GSTCD: variants seen among roughly 807,000 people sequenced by gnomAD.
The protein encoded by GSTCD is glutathione S-transferase C-terminal domain containing, also known as glutathione S-transferase C-terminal domain-containing protein.
Under a neutral mutation model 68.3 loss-of-function variants are expected in GSTCD, and 44 were observed. The ratio of observed to expected loss-of-function variants is 0.64; its 90% CI spans 0.51 to 0.83. GSTCD has a LOEUF of 0.83. Among genes scored for constraint, GSTCD ranks in the 40% least tolerant of loss-of-function variants. GSTCD has a pLI of 0.00. For synonymous variants in GSTCD, 273 were observed against 255.2 expected, an observed-to-expected ratio of 1.07 and a Z score of -0.67; for missense variants, 739 against 735.9, an observed-to-expected ratio of 1.00 and a Z score of -0.05.
At chr4:105,754,833 G>A (rs1734124268) in intron 5 of GSTCD, among the ~76,000 whole-genome samples, 1 of 151,896 alleles carries the variant, frequency 6.6e-6, no homozygotes, top group African/African-American at 2.4e-5. Flanking sequence ...CCATGTCCTA[G>A]GGAAATAATT....
At chr4:105,734,621 A>T (rs1248449118) in intron 5 of GSTCD, among the ~76,000 whole-genome samples, 1 of 151,044 alleles carries the variant, frequency 6.6e-6, no homozygotes, top group Non-Finnish European at 1.5e-5. Context: ...GCTTCTTTGC[A>T]ATGGGTTCCT....
At chr4:105,816,049 A>G (rs938553246) in intron 5 of GSTCD, among the ~76,000 whole-genome samples, 2 of 152,096 alleles carry the variant, frequency 1.3e-5, no homozygotes, top group African/African-American at 4.8e-5. Flanking sequence ...AGAAGGTTTT[A>G]CAATTTCCAT....
At position 105,729,253 on chromosome 4, in the gene GSTCD, A is replaced by G. The variant is rs1733147462; in HGVS notation, c.1147-153A>G. ...AAAATACTCAACACATGGTATTTTT[A>G]TTTAATTAAAATATGTATTTTGGGG... On this transcript the variant is annotated intron_variant, in intron 4 of 11. Transcript: ENST00000515279. 2.0e-5 allele frequency among the ~76,000 whole-genome samples: 3 copies of G among 152,166 alleles called. No homozygotes were observed. The South Asian group carries it at 6.2e-4, about 31-fold the overall frequency.
At chr4:105,757,880 C>T (rs1412329477) in intron 5 of GSTCD, among the ~76,000 whole-genome samples, 1 of 152,066 alleles carries the variant, frequency 6.6e-6, no homozygotes, top group Non-Finnish European at 1.5e-5. Flanking sequence ...CCATTTCCTC[C>T]TTTTTAAAAA....
chr4:105,800,301 A>G (rs1736058328), intron 5 of GSTCD, among the ~76,000 whole-genome samples: 1 of 152,160 alleles, frequency 6.6e-6, no homozygotes. Context: ...GAGATTTACT[A>G]TCACAAGAAC....
chr4:105,744,046 G>C (rs547048848), intron 5 of GSTCD, among the ~76,000 whole-genome samples: 3 of 152,284 alleles, frequency 2.0e-5, no homozygotes, highest in South Asian at 4.1e-4. Context: ...CCTATAGTCT[G>C]GCAGATTTTG....
chr4:105,727,862 G>A (rs1330668623), intron 4 of GSTCD, among the ~76,000 whole-genome samples: 2 of 152,154 alleles, frequency 1.3e-5, no homozygotes, highest in Non-Finnish European at 2.9e-5. Context: ...TATTTGAATA[G>A]AGAATTCATG....
In GSTCD at chr4:105,729,898, C is replaced by G. The variant is rs563760995; in HGVS notation, c.1240+399C>G. Among the ~76,000 whole-genome samples, 4 of 152,224 alleles carry G rather than the reference C, an allele frequency of 2.6e-5. No homozygotes were observed. In the East Asian group the frequency reaches 5.8e-4, roughly 22 times the overall value. On this transcript the variant is annotated intron_variant, in intron 5 of 11. Transcript: ENST00000515279. ...CCTAATGCTATCCCTCCCCACTCCCCCTACCCCACAACAGGCCCCGGTGTG... is the reference window on the plus strand; with the variant it reads ...CCTAATGCTATCCCTCCCCACTCCCGCTACCCCACAACAGGCCCCGGTGTG...
intron 5 of GSTCD, among the ~76,000 whole-genome samples, chr4:105,811,884 A>T (rs1328212275): frequency 6.6e-6 from 1 of 152,178 alleles, no homozygotes; most frequent in Non-Finnish European, 1.5e-5. Context: ...TGGTTGGAGG[A>T]TGATGAGTGG....
At chr4:105,806,946 G>A (rs1014527430) in intron 5 of GSTCD, among the ~76,000 whole-genome samples, 2 of 151,928 alleles carry the variant, frequency 1.3e-5, no homozygotes, top group African/African-American at 2.4e-5. Context: ...AAATTCTAAG[G>A]TGACTTTCAC....
At chr4:105,823,145 G>A (rs980189955) in intron 6 of GSTCD, 76 bp downstream of exon 6, 22 of 1,577,428 alleles carry the variant, frequency 1.4e-5, no homozygotes, top group Non-Finnish European at 1.8e-5. Flanking sequence ...TCAAGGTCAT[G>A]TTTTTATTTG....
intron 11 of GSTCD, among the ~76,000 whole-genome samples, chr4:105,842,880 T>C (rs538999824): frequency 6.6e-6 from 1 of 152,298 alleles, no homozygotes; most frequent in South Asian, 2.1e-4. Context: ...ACCCAACTTA[T>C]TTGATTCTGG....
chr4:105,743,983 TTATAG>T (rs1733723482), intron 5 of GSTCD, among the ~76,000 whole-genome samples: 1 of 152,180 alleles, frequency 6.6e-6, no homozygotes, highest in Non-Finnish European at 1.5e-5. Flanking sequence ...TTTTACATCG[TTATAG>T]TATAGTTATC....
chr4:105,816,227 A>C (rs1324494821), intron 5 of GSTCD, among the ~76,000 whole-genome samples: 2 of 152,142 alleles, frequency 1.3e-5, no homozygotes, highest in Non-Finnish European at 2.9e-5. Flanking sequence ...GGAAGGGTGA[A>C]AGGTGCATGA....
At chr4:105,815,869 T>TA (rs1722957363) in intron 5 of GSTCD, among the ~76,000 whole-genome samples, 1 of 152,154 alleles carries the variant, frequency 6.6e-6, no homozygotes. Flanking sequence ...ATTATGGACT[T>TA]AAAATAACAA....
chr4:105,775,247 T>G (rs1735008773), intron 5 of GSTCD, among the ~76,000 whole-genome samples: 1 of 152,204 alleles, frequency 6.6e-6, no homozygotes. Flanking sequence ...CTATTAGCAA[T>G]TCCTCTAACC....
intron 5 of GSTCD, among the ~76,000 whole-genome samples, chr4:105,803,801 G>A (rs1222693151): frequency 6.6e-6 from 1 of 151,854 alleles, no homozygotes; most frequent in Non-Finnish European, 1.5e-5. Context: ...TTTATATGAA[G>A]TTTAGGAAAC....
rs538173646 is a variant in GSTCD at position 105,709,363 on chromosome 4, C to A, written c.-22+347C>A. 5.9e-5 allele frequency among the ~76,000 whole-genome samples: 9 copies of A among 152,264 alleles called. No individual in the cohort carries two copies. In the South Asian group the frequency reaches 1.9e-3, roughly 32 times the overall value. ...TGATATTTGCTGTTAAGTGTTACTT[C>A]AAGACCTCTTGGGTCACACTAACTT... On this transcript the variant is annotated intron_variant, in intron 1 of 11. Coordinates refer to ENST00000515279, the MANE Select transcript of GSTCD (RefSeq NM_001370181.1).
intron 5 of GSTCD, among the ~76,000 whole-genome samples, chr4:105,776,313 C>T (rs1458672308): frequency 6.6e-6 from 1 of 152,080 alleles, no homozygotes; most frequent in Non-Finnish European, 1.5e-5. Flanking sequence ...CCACTTGGCC[C>T]CCTGGCTTCA....
Sources: allele counts gnomAD v4.1 joint callset (sites outside exome capture counted in the v4.1 genomes callset), GRCh38; gene constraint gnomAD v4.1.1; transcripts MANE v1.5; gene names NCBI Gene and HGNC (gene_info 2026-07-23, HGNC 2026-07-21).